Variants in MPRIP observed in about 807,000 individuals in gnomAD.
MPRIP encodes the protein myosin phosphatase Rho interacting protein.
MPRIP carries 59 observed loss-of-function variants against 234.9 expected under a neutral mutation model. That is an observed-to-expected ratio of 0.25 (90% CI 0.20 to 0.31). The LOEUF (loss-of-function observed/expected upper bound fraction) is 0.31. Among genes scored for constraint, MPRIP ranks in the 10% least tolerant of loss-of-function variants. MPRIP has a pLI of 1.00. For synonymous variants in MPRIP, 1,144 were observed against 1,263.9 expected (o/e 0.91, Z 2.01); for missense variants, 2,436 against 3,071.0 (o/e 0.79, Z 4.89).
chr17:17,164,222 G>T lies in MPRIP; in HGVS notation c.2631G>T (p.Gln877His), dbSNP rs1458042226. The change falls in exon 16 of 24, where the codon CAG becomes CAT. Residue 877 changes from glutamine to histidine, a missense_variant. Physicochemically the swap from Gln to His is conservative, Grantham distance 24. This residue lies in a region of MPRIP where 1,998 missense variants were observed against 2,520.3 expected (regional missense o/e 0.79). Transcript: ENST00000651222. ...AGCGCCAGGAGCTGATTACACACCA[G>T]ATTCAGACCCTGAAGCGTAGCTATG... is the stretch of plus-strand genomic sequence containing the variant. ...QCQRQELITH[Q>H]IQTLKRSYGE... is the part of the protein sequence containing the mutation. The T allele has an allele frequency of 1.5e-6, 2 of 1,304,398 alleles. No individual in the cohort carries two copies. The highest frequency in any genetic ancestry group is 2.0e-6 in the Non-Finnish European group (2 of 989,006). 80.8% of individuals were successfully genotyped at this position (1,304,398 alleles called of 1,614,324 possible). A position where few individuals can be genotyped will look rare whatever the true frequency, so the allele number is the denominator to read the frequency against.
At chr17:17,172,539 C>A (rs900206280) in intron 17 of MPRIP, among the ~76,000 whole-genome samples, 159 bp from the exon 18 acceptor site, 2 of 152,196 alleles carry the variant, frequency 1.3e-5, no homozygotes, top group African/African-American at 2.4e-5. Context: ...AGAATTGGTT[C>A]ATGAGGGGCC....
intron 1 of MPRIP, among the ~76,000 whole-genome samples, chr17:17,055,873 G>A (rs2088680109): frequency 6.6e-6 from 1 of 152,186 alleles, no homozygotes; most frequent in South Asian, 2.1e-4. Flanking sequence ...GACAGGAATT[G>A]CCATGTGCCA....
At chr17:17,064,430 A>G (rs1252038853) in intron 1 of MPRIP, among the ~76,000 whole-genome samples, 3 of 151,928 alleles carry the variant, frequency 2.0e-5, no homozygotes, top group Non-Finnish European at 4.4e-5. Flanking sequence ...AATAACAGAG[A>G]TCCCATGTAC....
rs968587366 is a variant in MPRIP, at chr17:17,192,063, G to A, written c.*7169G>A. 4 of 152,042 alleles carry A rather than the reference G, an allele frequency of 2.6e-5. No homozygotes were observed. Among genetic ancestry groups the A allele is most frequent in the Admixed American group, 1.3e-4 (2 of 15,250 alleles). The allele number at this position is 152,042 out of a possible 1,614,324, so 9.4% of individuals were successfully genotyped here. On this transcript the variant is annotated 3_prime_UTR_variant, in exon 24 of 24. Coordinates refer to ENST00000651222, the MANE Select transcript of MPRIP (RefSeq NM_001364716.4). Reference sequence around the variant, plus strand: ...TCTGTCAGGGTCAGTGTCAAAATTCGTTATCAAAGGCAAAACCTACTGTGC... The same window carrying A: ...TCTGTCAGGGTCAGTGTCAAAATTCATTATCAAAGGCAAAACCTACTGTGC...
intron 11 of MPRIP, 73 bp from the exon 12 acceptor site, chr17:17,150,071 T>C (rs2045566274): frequency 9.2e-7 from 1 of 1,083,618 alleles, no homozygotes; most frequent in Admixed American, 1.8e-5. Flanking sequence ...GAAAATCACT[T>C]ACGGAAATTT....
At chr17:17,168,578 A>G (rs1223595805) in intron 16 of MPRIP, 5 of 342,862 alleles carry the variant, frequency 1.5e-5, no homozygotes, top group Non-Finnish European at 2.9e-5. Context: ...CTGGAGCACA[A>G]AGGCGAAATG....
chr17:17,169,569 G>C (rs1311235014), intron 16 of MPRIP, among the ~76,000 whole-genome samples: 1 of 152,234 alleles, frequency 6.6e-6, no homozygotes, highest in African/African-American at 2.4e-5. Flanking sequence ...GTCGGGATGA[G>C]GCCCCTCCCA....
chr17:17,153,489 G>A (rs980906164), intron 12 of MPRIP, among the ~76,000 whole-genome samples: 7 of 151,836 alleles, frequency 4.6e-5, no homozygotes, highest in Non-Finnish European at 8.8e-5. Flanking sequence ...GCTCAGGGGC[G>A]CAGTGGTCAT....
At chr17:17,051,730 A>C (rs1460024382) in intron 1 of MPRIP, among the ~76,000 whole-genome samples, 1 of 152,210 alleles carries the variant, frequency 6.6e-6, no homozygotes, top group East Asian at 1.9e-4. Flanking sequence ...AAGAGCACCT[A>C]GGGGGTTGAT....
At chr17:17,150,404 A>G (rs1320695048) in intron 12 of MPRIP, among the ~76,000 whole-genome samples, 171 bp downstream of exon 12, 6 of 152,144 alleles carry the variant, frequency 3.9e-5, no homozygotes, top group African/African-American at 7.2e-5. Context: ...ACCTGACCCT[A>G]TTCCCCAATT....
At chr17:17,088,770 G>A (rs936291972) in intron 3 of MPRIP, among the ~76,000 whole-genome samples, 12 of 152,160 alleles carry the variant, frequency 7.9e-5, no homozygotes, top group African/African-American at 2.4e-4. Flanking sequence ...ATCCACGTAG[G>A]GCACCACTTC....
At chr17:17,081,824 T>TA (rs1232215821) in intron 3 of MPRIP, among the ~76,000 whole-genome samples, 2 of 152,172 alleles carry the variant, frequency 1.3e-5, no homozygotes, top group Non-Finnish European at 2.9e-5. Flanking sequence ...TCTTTCTCGA[T>TA]ACACCCACGT....
chr17:17,107,599 G>T (rs188874976), intron 3 of MPRIP, among the ~76,000 whole-genome samples: 3 of 152,214 alleles, frequency 2.0e-5, no homozygotes, highest in Non-Finnish European at 4.4e-5. Context: ...CTGTGGCCTG[G>T]CCTGTATTCA....
At chr17:17,082,285 A>ATTTTTTTTTT (rs71355536) in intron 3 of MPRIP, among the ~76,000 whole-genome samples, 55 of 88,708 alleles carry the variant, frequency 6.2e-4, no homozygotes, top group African/African-American at 2.3e-3. Context: ...GCTTTTTCCA[A>ATTTTTTTTTT]TTTTTTTTTT....
At position 17,158,808 on chromosome 17, in the gene MPRIP, C is replaced by T. The variant is rs773743067; in HGVS notation, c.2206C>T (p.Arg736Trp). ...EDAALRMEVD[R>W]SPGLPMSDLK... is the part of the protein sequence containing the mutation. ...TGCAGCCCTGCGCATGGAGGTGGAC[C>T]GGAGCCCAGGGCTGCCTATGAGCGA... The change falls in exon 14 of 24, where the codon CGG (arginine) becomes TGG (tryptophan). Residue 736 changes from arginine to tryptophan, a missense_variant. Coordinates refer to ENST00000651222, the MANE Select transcript of MPRIP (RefSeq NM_001364716.4). 4.3e-6 allele frequency: 7 copies of T among 1,611,544 alleles called. No homozygotes were observed. The highest frequency in any genetic ancestry group is 2.7e-5 in the African/African-American group (2 of 74,892).
intron 9 of MPRIP, 114 bp from the exon 10 acceptor site, chr17:17,145,921 TG>T: frequency 1.0e-6 from 1 of 997,288 alleles, no homozygotes; most frequent in Non-Finnish European, 1.5e-6. Flanking sequence ...GTCTGGCAGG[TG>T]GAGAAACCCC....
chr17:17,175,232 G>T, intron 19 of MPRIP, 61 bp from the exon 20 acceptor site: 1 of 1,610,776 alleles, frequency 6.2e-7, no homozygotes, highest in African/African-American at 1.3e-5. Context: ...TTCCCGGGTT[G>T]TGTCATGCGA....
rs1229505300 is a variant in MPRIP, at chr17:17,146,029, TTCTC to T, written c.1504-6_1504-3del. The stretch of plus-strand genomic sequence containing the variant: ...CTCTGAGCTGTTCTTTTTTCTCCCT[TTCTC>T]AGCCCGACCTGCTGAATTTCAAGAA... On this transcript the variant is annotated splice_region_variant and splice_polypyrimidine_tract_variant and intron_variant, in intron 9 of 23. Coordinates refer to ENST00000651222, the MANE Select transcript of MPRIP (RefSeq NM_001364716.4). The T allele has an allele frequency of 1.9e-6, 3 of 1,613,788 alleles. No homozygotes were observed. The highest frequency in any genetic ancestry group is 2.5e-6 in the Non-Finnish European group (3 of 1,179,844).
chr17:17,154,897 A>G (rs2045693394), intron 13 of MPRIP, among the ~76,000 whole-genome samples: 1 of 152,204 alleles, frequency 6.6e-6, no homozygotes, highest in South Asian at 2.1e-4. Context: ...CTGTTTTTGC[A>G]TTCTGTGGTT....
Sources: gnomAD v4.1 joint callset for allele counts (sites outside exome capture counted in the v4.1 genomes callset) on GRCh38, gnomAD v4.1.1 for gene constraint, gnomAD v4.1.1 regional missense constraint, MANE v1.5 for transcripts, NCBI Gene and HGNC (gene_info 2026-07-23, HGNC 2026-07-21) for gene names.